Variants in GLIS3 observed in about 807,000 individuals in gnomAD.
The protein encoded by GLIS3 is GLIS family zinc finger 3.
In GLIS3, 53 loss-of-function variants were observed where a neutral mutation model predicts 78.6. The ratio of observed to expected loss-of-function variants is 0.67; its 90% CI spans 0.54 to 0.85. GLIS3 has a LOEUF of 0.85. GLIS3 is among the 40% of genes least tolerant of loss of function. GLIS3 has a pLI of 0.00. For synonymous variants in GLIS3, 684 were observed against 509.9 expected (o/e 1.34, Z -4.60); for missense variants, 1,703 against 1,231.1 (o/e 1.38, Z -5.74).
At chr9:4,055,541 T>G (rs190545939) in intron 4 of GLIS3, among the ~76,000 whole-genome samples, 1 of 152,152 alleles carries the variant, frequency 6.6e-6, no homozygotes, top group African/African-American at 2.4e-5. Context: ...TGTAGAGAAT[T>G]TGTGACATCA....
chr9:4,373,217 T>G, the GLIS3 span, among the ~76,000 whole-genome samples: 9 of 152,286 alleles, frequency 5.9e-5, no homozygotes, highest in Admixed American at 4.6e-4. Context: ...TAGAATGCCA[T>G]TCTCAGACAT....
intron 4 of GLIS3, among the ~76,000 whole-genome samples, chr9:4,099,603 G>A (rs1053657003): frequency 1.3e-5 from 2 of 152,118 alleles, no homozygotes; most frequent in African/African-American, 4.8e-5. Flanking sequence ...AGGTACTGGG[G>A]GTGATGACTT....
chr9:4,106,904 C>T (rs949846746), intron 4 of GLIS3, among the ~76,000 whole-genome samples: 18 of 151,962 alleles, frequency 1.2e-4, no homozygotes, highest in African/African-American at 4.4e-4. Flanking sequence ...AATTGTGCCC[C>T]AAGAACATGT....
chr9:3,970,600 C>T (rs1310827054), intron 4 of GLIS3, among the ~76,000 whole-genome samples: 1 of 152,158 alleles, frequency 6.6e-6, no homozygotes, highest in Non-Finnish European at 1.5e-5. Context: ...GCCCTCATAA[C>T]AAAGAACTAT....
At chr9:4,483,081 A>G in the GLIS3 span, among the ~76,000 whole-genome samples, 2 of 152,168 alleles carry the variant, frequency 1.3e-5, no homozygotes, top group African/African-American at 4.8e-5. Context: ...CTTTTGTTCA[A>G]TTTGAGATCA....
At chr9:4,093,069 G>C (rs1829658935) in intron 4 of GLIS3, among the ~76,000 whole-genome samples, 2 of 152,058 alleles carry the variant, frequency 1.3e-5, no homozygotes, top group Non-Finnish European at 2.9e-5. Flanking sequence ...GCCACTCTTT[G>C]ACCAACATGT....
chr9:4,226,642 A>G (rs1821793459), intron 2 of GLIS3, among the ~76,000 whole-genome samples: 1 of 152,160 alleles, frequency 6.6e-6, no homozygotes, highest in African/African-American at 2.4e-5. Context: ...AAGTTTGGAG[A>G]TAGCAAGGTC....
intron 4 of GLIS3, among the ~76,000 whole-genome samples, chr9:4,097,331 A>G (rs1328235655): frequency 6.6e-6 from 1 of 152,170 alleles, no homozygotes; most frequent in Non-Finnish European, 1.5e-5. Flanking sequence ...GATCTATAAC[A>G]TAACAGGATG....
intron 2 of GLIS3, among the ~76,000 whole-genome samples, chr9:4,264,559 C>G (rs1450853741): frequency 6.6e-6 from 1 of 152,104 alleles, no homozygotes; most frequent in African/African-American, 2.4e-5. Context: ...CCTGGCTGTA[C>G]CTCAATCAAA....
intron 6 of GLIS3, among the ~76,000 whole-genome samples, chr9:3,927,661 A>G (rs1825344290): frequency 6.6e-6 from 1 of 152,214 alleles, no homozygotes; most frequent in Admixed American, 6.5e-5. Flanking sequence ...AAGGAAGAGA[A>G]GCTTATTCTT....
chr9:4,429,702 A>G, the GLIS3 span, among the ~76,000 whole-genome samples: 1 of 152,108 alleles, frequency 6.6e-6, no homozygotes, highest in Non-Finnish European at 1.5e-5. Flanking sequence ...TTTTCACCAA[A>G]CATTGAATCC....
chr9:3,882,351 G>T (rs1821787053), intron 7 of GLIS3, among the ~76,000 whole-genome samples: 1 of 152,178 alleles, frequency 6.6e-6, no homozygotes. Context: ...ACTTTGAGGG[G>T]CACGTGTACC....
chr9:3,855,985 A>G (rs769008145), intron 9 of GLIS3, 24 bp downstream of exon 9: 1 of 1,613,674 alleles, frequency 6.2e-7, no homozygotes, highest in Non-Finnish European at 8.5e-7. Context: ...TCAAAACTCA[A>G]GGGACTGCCA....
intron 2 of GLIS3, among the ~76,000 whole-genome samples, chr9:4,319,096 G>A (rs184464795): frequency 6.6e-6 from 1 of 152,036 alleles, no homozygotes; most frequent in Non-Finnish European, 1.5e-5. Context: ...ACCATTCTAG[G>A]GTAAAGGAGA....
chr9:4,394,498 C>T, the GLIS3 span, among the ~76,000 whole-genome samples: 2 of 151,998 alleles, frequency 1.3e-5, no homozygotes, highest in Non-Finnish European at 2.9e-5. Context: ...GAACAACAAG[C>T]ACGGGAAACC....
At chr9:4,313,729 C>T (rs1397817028) in intron 2 of GLIS3, among the ~76,000 whole-genome samples, 2 of 152,180 alleles carry the variant, frequency 1.3e-5, no homozygotes, top group Non-Finnish European at 2.9e-5. Flanking sequence ...AGTCTCCCAC[C>T]TTAAGATCAA....
At chr9:4,391,549 G>A in the GLIS3 span, among the ~76,000 whole-genome samples, 1 of 143,586 alleles carries the variant, frequency 7.0e-6, no homozygotes, top group Non-Finnish European at 1.5e-5. Flanking sequence ...ATTCTAAGAG[G>A]GGTGTGTGTG....
intron 2 of GLIS3, among the ~76,000 whole-genome samples, chr9:4,334,603 G>T (rs1384498824): frequency 6.6e-6 from 1 of 152,254 alleles, no homozygotes; most frequent in Non-Finnish European, 1.5e-5. Context: ...TTACCTAGGT[G>T]AACGCCAAAC....
intron 2 of GLIS3, among the ~76,000 whole-genome samples, chr9:4,137,661 AGTTT>A (rs1833498972): frequency 6.6e-6 from 1 of 152,128 alleles, no homozygotes. Context: ...ATATTCCTGG[AGTTT>A]GTATTCTAAA....
Sources: allele counts gnomAD v4.1 joint callset (sites outside exome capture counted in the v4.1 genomes callset), GRCh38; gene constraint gnomAD v4.1.1; transcripts MANE v1.5; gene names NCBI Gene and HGNC (gene_info 2026-07-23, HGNC 2026-07-21).